Variants in KCNJ6 observed in about 807,000 individuals in gnomAD.
KCNJ6 encodes potassium inwardly rectifying channel subfamily J member 6.
A neutral mutation model predicts 34.2 loss-of-function variants in KCNJ6; 9 were observed. The ratio of observed to expected loss-of-function variants is 0.26; its 90% CI spans 0.16 to 0.46. KCNJ6 has a LOEUF of 0.46. KCNJ6 is among the 20% of genes least tolerant of loss of function. KCNJ6 has a pLI of 1.00. For missense variants in KCNJ6, 236 were observed against 531.3 expected (o/e 0.44, Z 5.46); for synonymous variants, 196 against 207.1 (o/e 0.95, Z 0.46).
intron 3 of KCNJ6, among the ~76,000 whole-genome samples, chr21:37,637,554 C>T (rs1365999747): frequency 6.6e-6 from 1 of 152,126 alleles, no homozygotes; most frequent in African/African-American, 2.4e-5. Context: ...CGGTGTGAGC[C>T]AACCATCTGG....
At chr21:37,783,577 T>C (rs1337220868) in intron 2 of KCNJ6, among the ~76,000 whole-genome samples, 1 of 152,208 alleles carries the variant, frequency 6.6e-6, no homozygotes, top group Non-Finnish European at 1.5e-5. Context: ...GGTATGTTTT[T>C]GTCAGCAACA....
At chr21:37,676,111 C>T (rs1015174606) in intron 3 of KCNJ6, among the ~76,000 whole-genome samples, 88 of 152,236 alleles carry the variant, frequency 5.8e-4, no homozygotes, top group African/African-American at 2.0e-3. Flanking sequence ...GGGCTGAGTG[C>T]GGAAAGGGAG....
intron 2 of KCNJ6, among the ~76,000 whole-genome samples, chr21:37,778,683 C>CGTGTGCT (rs1417943485): frequency 1.4e-5 from 2 of 142,394 alleles, no homozygotes; most frequent in Admixed American, 7.2e-5. Context: ...TGTGTGTATC[C>CGTGTGCT]GTGTGCTGTG....
At chr21:37,641,333 T>G (rs2054379985) in intron 3 of KCNJ6, among the ~76,000 whole-genome samples, 1 of 152,212 alleles carries the variant, frequency 6.6e-6, no homozygotes, top group Non-Finnish European at 1.5e-5. Context: ...ATTGAGAATC[T>G]ATTATGTGTC....
intron 3 of KCNJ6, among the ~76,000 whole-genome samples, chr21:37,659,676 C>T (rs141224344): frequency 2.0e-5 from 3 of 152,276 alleles, no homozygotes; most frequent in Non-Finnish European, 4.4e-5. Flanking sequence ...CCTCAATTTC[C>T]CCATCTGATG....
intron 1 of KCNJ6, among the ~76,000 whole-genome samples, chr21:37,872,293 C>T (rs2055656347): frequency 6.6e-6 from 1 of 152,150 alleles, no homozygotes; most frequent in Non-Finnish European, 1.5e-5. Context: ...TCAAGGCTGC[C>T]TGATGTTCAA....
At chr21:37,698,836 A>G (rs1002584730) in intron 3 of KCNJ6, among the ~76,000 whole-genome samples, 4 of 151,818 alleles carry the variant, frequency 2.6e-5, no homozygotes, top group African/African-American at 9.7e-5. Flanking sequence ...AGCTGGGATT[A>G]TATGTGTGTG....
intron 3 of KCNJ6, among the ~76,000 whole-genome samples, chr21:37,702,069 C>A (rs2054693962): frequency 6.6e-6 from 1 of 151,814 alleles, no homozygotes; most frequent in Non-Finnish European, 1.5e-5. Context: ...CCCGTCTCTA[C>A]TAAAAATACA....
chr21:37,771,035 A>C (rs1246827543), intron 2 of KCNJ6, among the ~76,000 whole-genome samples: 2 of 152,310 alleles, frequency 1.3e-5, no homozygotes, highest in East Asian at 3.9e-4. Context: ...TTGCCTGTAC[A>C]CAGGATATTT....
intron 1 of KCNJ6, among the ~76,000 whole-genome samples, chr21:37,873,526 C>G (rs767774634): frequency 6.6e-6 from 1 of 152,200 alleles, no homozygotes; most frequent in East Asian, 1.9e-4. Flanking sequence ...ACACACCAAC[C>G]ACAACTAGCT....
intron 2 of KCNJ6, among the ~76,000 whole-genome samples, chr21:37,778,964 C>G (rs953706964): frequency 1.3e-5 from 2 of 151,984 alleles, no homozygotes; most frequent in African/African-American, 4.8e-5. Flanking sequence ...TGCACGTGAA[C>G]GGGCATTTGT....
intron 2 of KCNJ6, among the ~76,000 whole-genome samples, chr21:37,782,523 C>T (rs1195531249): frequency 6.6e-6 from 1 of 152,200 alleles, no homozygotes; most frequent in East Asian, 1.9e-4. Flanking sequence ...TTTGTCCTTT[C>T]TCCTGGGGCT....
chr21:37,610,432 C>G lies in KCNJ6; in HGVS notation c.*14727G>C, dbSNP rs1569428381. On this transcript the variant is annotated 3_prime_UTR_variant, in exon 4 of 4. Coordinates refer to ENST00000609713, the MANE Select transcript of KCNJ6 (RefSeq NM_002240.5). The stretch of plus-strand genomic sequence containing the variant: ...TGGCCAACATGCTGAAACCCCATCT[C>G]TATTAAAAATACAAAAATTAGCCAG... The G allele has an allele frequency of 6.6e-6, 1 of 151,874 alleles. No individual in the cohort carries two copies. The allele number at this position is 151,874 out of a possible 1,614,324, so 9.4% of individuals were successfully genotyped here.
At chr21:37,645,017 G>GTT (rs71198881) in intron 3 of KCNJ6, among the ~76,000 whole-genome samples, 18,897 of 130,324 alleles carry the variant, frequency 0.14, 1,670 homozygotes, top group East Asian at 0.33. Flanking sequence ...AAACAGGTGG[G>GTT]TTTTTTTTTT....
chr21:37,883,084 T>C (rs11088412), intron 1 of KCNJ6, among the ~76,000 whole-genome samples: 2 of 152,190 alleles, frequency 1.3e-5, no homozygotes, highest in Admixed American at 1.3e-4. Flanking sequence ...TCACTCTAGA[T>C]AGTAGAAATA....
At chr21:37,734,174 G>C (rs1038781507) in intron 2 of KCNJ6, among the ~76,000 whole-genome samples, 8 of 152,168 alleles carry the variant, frequency 5.3e-5, no homozygotes, top group Non-Finnish European at 8.8e-5. Flanking sequence ...CCTTTCTATT[G>C]TGTCAGGTTC....
intron 2 of KCNJ6, among the ~76,000 whole-genome samples, chr21:37,779,851 G>A (rs138432142): frequency 6.6e-6 from 1 of 152,196 alleles, no homozygotes; most frequent in Admixed American, 6.5e-5. Context: ...AAATAAGAAT[G>A]CAACAGTGTA....
rs144458097 is a variant in KCNJ6 at position 37,793,006 on chromosome 21, C to T, written c.25+47652G>A. On this transcript the variant is annotated intron_variant, in intron 2 of 3. Transcript: ENST00000609713. ...AAAGATGTACCAGCTAAGGGTGCTCCGGGGGGACTCTGATCCTAGGGCTTG... is the reference window on the plus strand; with the variant it reads ...AAAGATGTACCAGCTAAGGGTGCTCTGGGGGGACTCTGATCCTAGGGCTTG... 9.9e-5 allele frequency among the ~76,000 whole-genome samples: 15 copies of T among 152,158 alleles called. No homozygotes were observed. The East Asian group carries it at 1.7e-3, about 18-fold the overall frequency.
At chr21:37,693,861 C>A (rs935297692) in intron 3 of KCNJ6, among the ~76,000 whole-genome samples, 26 of 152,124 alleles carry the variant, frequency 1.7e-4, no homozygotes, top group Admixed American at 7.2e-4. Flanking sequence ...CTCATTCCTG[C>A]AGAAATACTT....
Sources: gnomAD v4.1 joint callset for allele counts (sites outside exome capture counted in the v4.1 genomes callset) on GRCh38, gnomAD v4.1.1 for gene constraint, MANE v1.5 for transcripts, NCBI Gene and HGNC (gene_info 2026-07-23, HGNC 2026-07-21) for gene names.